Variants in RIMKLB observed in about 807,000 individuals in gnomAD.
RIMKLB encodes the protein ribosomal modification protein rimK like family member B, also known as beta-citrylglutamate synthase B.
RIMKLB carries 7 observed loss-of-function variants against 32.0 expected under a neutral mutation model. The ratio of observed to expected loss-of-function variants is 0.22; its 90% CI spans 0.12 to 0.41. The LOEUF is 0.41. Ranked by LOEUF, RIMKLB falls within the 10% of genes least tolerant of loss-of-function variation. The pLI is 1.00. For missense variants in RIMKLB, 289 were observed against 498.7 expected, an observed-to-expected ratio of 0.58 and a Z score of 4.00; for synonymous variants, 172 against 185.1, an observed-to-expected ratio of 0.93 and a Z score of 0.57.
chr12:8,757,470 C>CCAAAAAAAAAAAAAAAAAAAAAA (rs1949138788), intron 5 of RIMKLB, among the ~76,000 whole-genome samples: 1 of 71,418 alleles, frequency 1.4e-5, no homozygotes, highest in African/African-American at 4.9e-5. Context: ...GACCCTGTCT[C>CCAAAAAAAAAAAAAAAAAAAAAA]AAAAAAAAAA....
At chr12:8,677,249 A>T (rs1377949413), upstream of RIMKLB, among the ~76,000 whole-genome samples, 1 of 152,172 alleles carries the variant, frequency 6.6e-6, no homozygotes, top group Non-Finnish European at 1.5e-5. Flanking sequence ...CTTCCCGCAC[A>T]GTGCACCCCC....
chr12:8,764,500 G>T (rs1020638820), intron 5 of RIMKLB, among the ~76,000 whole-genome samples: 2 of 152,168 alleles, frequency 1.3e-5, no homozygotes. Flanking sequence ...GTGACTGGCT[G>T]TCCTAGGACC....
intron 1 of RIMKLB, among the ~76,000 whole-genome samples, chr12:8,687,929 G>C (rs900490732): frequency 6.6e-6 from 1 of 152,060 alleles, no homozygotes; most frequent in East Asian, 1.9e-4. Flanking sequence ...GTTAGGACTT[G>C]GAGAACTGCA....
At chr12:8,731,809 C>T (rs941754722) in intron 2 of RIMKLB, among the ~76,000 whole-genome samples, 4 of 151,828 alleles carry the variant, frequency 2.6e-5, no homozygotes, top group African/African-American at 7.3e-5. Flanking sequence ...ATATCTCAAG[C>T]GAGGATATAT....
intron 1 of RIMKLB, among the ~76,000 whole-genome samples, chr12:8,701,976 A>G (rs2136710472): frequency 1.3e-5 from 2 of 152,108 alleles, no homozygotes; most frequent in South Asian, 4.2e-4. Flanking sequence ...ACTGCACTCA[A>G]GTCTGGGTCA....
At chr12:8,725,215 T>C (rs1284588946) in intron 2 of RIMKLB, among the ~76,000 whole-genome samples, 1 of 152,204 alleles carries the variant, frequency 6.6e-6, no homozygotes, top group East Asian at 1.9e-4. Context: ...AAACTCCATG[T>C]GTAGACTGTG....
At chr12:8,730,490 G>T (rs1946433971) in intron 2 of RIMKLB, among the ~76,000 whole-genome samples, 2 of 152,188 alleles carry the variant, frequency 1.3e-5, no homozygotes, top group African/African-American at 4.8e-5. Context: ...ATAATAGCTT[G>T]CCTCAGGCCT....
At chr12:8,743,944 C>T (rs1469515883) in intron 2 of RIMKLB, among the ~76,000 whole-genome samples, 1 of 151,802 alleles carries the variant, frequency 6.6e-6, no homozygotes, top group African/African-American at 2.4e-5. Flanking sequence ...ATTAAAAAGA[C>T]AATATGTGTT....
chr12:8,669,432 A>G, the RIMKLB span, among the ~76,000 whole-genome samples: 2 of 152,180 alleles, frequency 1.3e-5, no homozygotes, highest in African/African-American at 4.8e-5. Flanking sequence ...CCATAGCAGT[A>G]TATAATAATT....
chr12:8,782,320 A>G (rs1951130553), intron 7 of RIMKLB, among the ~76,000 whole-genome samples: 2 of 151,892 alleles, frequency 1.3e-5, no homozygotes, highest in East Asian at 1.9e-4. Context: ...TTTTGGTACA[A>G]TTTTTCTGAC....
intron 2 of RIMKLB, among the ~76,000 whole-genome samples, chr12:8,748,003 G>A (rs1166811746): frequency 2.0e-5 from 3 of 151,988 alleles, no homozygotes; most frequent in Non-Finnish European, 2.9e-5. Flanking sequence ...TGATTCACCC[G>A]CCTCTGCCTC....
At chr12:8,752,776 T>C (rs1948726473) in intron 4 of RIMKLB, among the ~76,000 whole-genome samples, 1 of 151,842 alleles carries the variant, frequency 6.6e-6, no homozygotes, top group Admixed American at 6.6e-5. Flanking sequence ...GTTTTGCTCT[T>C]GTTGCCCAGG....
chr12:8,763,980 A>G (rs770178658), intron 5 of RIMKLB, among the ~76,000 whole-genome samples: 2 of 152,324 alleles, frequency 1.3e-5, no homozygotes, highest in Admixed American at 1.3e-4. Context: ...TTCCTCTGGC[A>G]TTTAGGAAAG....
chr12:8,748,805 G>A (rs1264429652), intron 2 of RIMKLB, among the ~76,000 whole-genome samples: 1 of 151,854 alleles, frequency 6.6e-6, no homozygotes, highest in Non-Finnish European at 1.5e-5. Context: ...CAGGCATGGT[G>A]GCGGACGCCT....
intron 2 of RIMKLB, among the ~76,000 whole-genome samples, chr12:8,724,347 T>C (rs562575914): frequency 2.0e-5 from 3 of 152,222 alleles, no homozygotes; most frequent in Non-Finnish European, 4.4e-5. Flanking sequence ...TGTAAAATTA[T>C]TTTGAATTCT....
At chr12:8,756,766 A>G (rs753102308) in intron 5 of RIMKLB, among the ~76,000 whole-genome samples, 5 of 132,846 alleles carry the variant, frequency 3.8e-5, no homozygotes, top group Non-Finnish European at 7.6e-5. Context: ...ATCTCAGCTC[A>G]CTGCAACCTC....
At chr12:8,781,611 C>T (rs550387268), downstream of RIMKLB, among the ~76,000 whole-genome samples, 2 of 152,154 alleles carry the variant, frequency 1.3e-5, no homozygotes, top group South Asian at 2.1e-4. Flanking sequence ...TCTCCCTTAT[C>T]CAAGTCTGTT....
rs905926885 is a variant in RIMKLB at position 8,704,453 on chromosome 12, T to C, written c.-57+6156T>C. On this transcript the variant is annotated intron_variant, in intron 1 of 5. Coordinates refer to ENST00000535829, the MANE Select transcript of RIMKLB (RefSeq NM_001297776.2). Reference sequence around the variant, plus strand: ...ACTCAGATCACTTAAACATGCTTATTTGTTGAACATGTTTTCAATCATGAC... The same window carrying C: ...ACTCAGATCACTTAAACATGCTTATCTGTTGAACATGTTTTCAATCATGAC... 2.0e-5 allele frequency among the ~76,000 whole-genome samples: 3 copies of C among 152,232 alleles called. No homozygotes were observed. The South Asian group carries it at 6.2e-4, about 32-fold the overall frequency.
intron 1 of RIMKLB, chr12:8,700,005 G>T (rs1402259926): frequency 6.6e-6 from 1 of 152,218 alleles, no homozygotes; most frequent in Non-Finnish European, 1.5e-5. Flanking sequence ...CTAGTGGATA[G>T]CTTTCTTATT....
Sources: allele counts gnomAD v4.1 joint callset (sites outside exome capture counted in the v4.1 genomes callset), GRCh38; gene constraint gnomAD v4.1.1; transcripts MANE v1.5; gene names NCBI Gene and HGNC (gene_info 2026-07-23, HGNC 2026-07-21).